The following ZNF431 variants were observed in gnomAD, a reference collection of about 807,000 sequenced individuals.
The protein encoded by ZNF431 is zinc finger protein 431.
In ZNF431, 34 loss-of-function variants were observed where a neutral mutation model predicts 57.0. The observed-to-expected ratio is 0.60, with a 90% confidence interval of 0.45 to 0.79. The LOEUF (loss-of-function observed/expected upper bound fraction) is 0.79, where lower values mean the gene tolerates loss of function less well. Among genes scored for constraint, ZNF431 ranks in the 30% least tolerant of loss-of-function variants. The pLI, the probability that ZNF431 is intolerant of heterozygous loss-of-function variation, is 0.00. For synonymous variants in ZNF431, 207 were observed against 220.3 expected, an observed-to-expected ratio of 0.94 and a Z score of 0.54; for missense variants, 607 against 667.1, an observed-to-expected ratio of 0.91 and a Z score of 0.99.
chr19:21,195,099 A>G lies in ZNF431; in HGVS notation c.*11065A>G, dbSNP rs532315657. ...GCTGCCTGACAAAAAGCGTGTAAACAACAGTGATTGCTCCTGTGGCCCTGT... is the reference window on the plus strand; with the variant it reads ...GCTGCCTGACAAAAAGCGTGTAAACGACAGTGATTGCTCCTGTGGCCCTGT... On this transcript the variant is annotated 3_prime_UTR_variant, in exon 5 of 5. Transcript: ENST00000311048. 1 of 152,022 alleles carries G rather than the reference A, an allele frequency of 6.6e-6. No individual in the cohort carries two copies. Among genetic ancestry groups the G allele is most frequent in the East Asian group, 1.9e-4 (1 of 5,186 alleles). 9.4% of individuals were successfully genotyped at this position (152,022 alleles called of 1,614,324 possible).
chr19:21,146,003 A>G (rs1365864140), intron 2 of ZNF431, among the ~76,000 whole-genome samples: 1 of 152,158 alleles, frequency 6.6e-6, no homozygotes, highest in Non-Finnish European at 1.5e-5. Context: ...GAGCCTGTGA[A>G]AAATTTTATT....
At position 21,190,377 on chromosome 19, in the gene ZNF431, T is replaced by C. The variant is rs1412403640; in HGVS notation, c.*6343T>C. 6.6e-6 allele frequency: 1 copy of C among 152,400 alleles called. No homozygotes were observed. The highest frequency in any genetic ancestry group is 1.9e-4 in the East Asian group (1 of 5,204). The allele number at this position is 152,400 out of a possible 1,614,324, so 9.4% of individuals were successfully genotyped here. A position where few individuals can be genotyped will look rare whatever the true frequency, so the allele number is the denominator to read the frequency against. The stretch of plus-strand genomic sequence containing the variant: ...TATACCCAGTAGTGCGATTGCTGTA[T>C]TACCTGGTAGTTTTTTTGATAAATC... On this transcript the variant is annotated 3_prime_UTR_variant, in exon 5 of 5. Transcript: ENST00000311048.
At position 21,190,139 on chromosome 19, in the gene ZNF431, A is replaced by G. The variant is rs929226803; in HGVS notation, c.*6105A>G. On this transcript the variant is annotated 3_prime_UTR_variant, in exon 5 of 5. Transcript: ENST00000311048. ...AACTGAGATCATGCCACTGCACTCC[A>G]TCCTGGGCAACAGAGTGAGACTCGG... 6 of 363,234 alleles carry G rather than the reference A, an allele frequency of 1.7e-5. No homozygotes were observed. The highest frequency in any genetic ancestry group is 4.6e-5 in the Admixed American group (1 of 21,688). The allele number at this position is 363,234 out of a possible 1,614,324, so 22.5% of individuals were successfully genotyped here.
chr19:21,162,602 A>C, intron 2 of ZNF431: 1 of 479,212 alleles, frequency 2.1e-6, no homozygotes. Context: ...ACCACACCCG[A>C]CCAGATTCAC....
chr19:21,189,560 A>T lies in ZNF431; in HGVS notation c.*5526A>T. On this transcript the variant is annotated 3_prime_UTR_variant, in exon 5 of 5. Transcript: ENST00000311048. ...ACTGTCATCATTTTTCAAAAATCCA[A>T]ATACATTATTATGAACTATAGTCAC... 1 of 216,126 alleles carries T rather than the reference A, an allele frequency of 4.6e-6. No homozygotes were observed. The highest frequency in any genetic ancestry group is 9.0e-6 in the Non-Finnish European group (1 of 110,970). 13.4% of individuals were successfully genotyped at this position (216,126 alleles called of 1,614,324 possible).
intron 2 of ZNF431, among the ~76,000 whole-genome samples, chr19:21,157,214 T>C (rs1182218360): frequency 1.3e-5 from 2 of 152,222 alleles, no homozygotes; most frequent in Non-Finnish European, 2.9e-5. Flanking sequence ...CTCACCTCAC[T>C]GCAACCTCTG....
chr19:21,184,230 T>A lies in ZNF431; in HGVS notation c.*196T>A, dbSNP rs1971302655. The A allele has an allele frequency of 6.4e-6, 3 of 471,860 alleles. No individual in the cohort carries two copies. The highest frequency in any genetic ancestry group is 1.1e-5 in the Non-Finnish European group (3 of 269,672). The allele number at this position is 471,860 out of a possible 1,614,324, so 29.2% of individuals were successfully genotyped here. ...CTGGGTGTGGTGGCACGTGCCTGTA[T>A]TCCCATCTACTCGGGAGGCTTAGGC... is the stretch of plus-strand genomic sequence containing the variant. On this transcript the variant is annotated 3_prime_UTR_variant, in exon 5 of 5. Transcript: ENST00000311048.
rs1160065279 is a variant in ZNF431, at chr19:21,192,740, A to G, written c.*8706A>G. ...AGCAGTTTTTTTGGTTATATATGGCATTTATTGGCTGAAGTGCATTTGTTC... is the reference window on the plus strand; with the variant it reads ...AGCAGTTTTTTTGGTTATATATGGCGTTTATTGGCTGAAGTGCATTTGTTC... On this transcript the variant is annotated 3_prime_UTR_variant, in exon 5 of 5. Coordinates refer to ENST00000311048, the MANE Select transcript of ZNF431 (RefSeq NM_133473.4). 6.6e-6 allele frequency: 1 copy of G among 152,132 alleles called. No individual in the cohort carries two copies. 9.4% of individuals were successfully genotyped at this position (152,132 alleles called of 1,614,324 possible). A position where few individuals can be genotyped will look rare whatever the true frequency, so the allele number is the denominator to read the frequency against.
intron 2 of ZNF431, chr19:21,151,166 G>T (rs140466808): frequency 0.017 from 2,525 of 151,892 alleles, 44 homozygotes; most frequent in Middle Eastern, 0.082. Flanking sequence ...AGTGATTCTC[G>T]TGCCTCAGCC....
intron 2 of ZNF431, chr19:21,149,671 C>G: frequency 1.8e-6 from 1 of 552,604 alleles, no homozygotes; most frequent in Non-Finnish European, 3.4e-6. Flanking sequence ...GTGGCAAGTT[C>G]TTTAGTCTTT....
chr19:21,183,363 A>G lies in ZNF431; in HGVS notation c.1060A>G (p.Asn354Asp), dbSNP rs1226707346. ...ATGTGAGGAATGTGACAAAGCTTTT[A>G]ATCGATTCTCATACCTTACTAAACA... ...YKCEECDKAFNRFSYLTKHKI... is the reference protein window; with the variant it reads ...YKCEECDKAFDRFSYLTKHKI... The change falls in exon 5 of 5, where the codon AAT becomes GAT. Residue 354 changes from asparagine to aspartate, a missense_variant. Coordinates refer to ENST00000311048, the MANE Select transcript of ZNF431 (RefSeq NM_133473.4). 4 of 1,613,828 alleles carry G rather than the reference A, an allele frequency of 2.5e-6. No homozygotes were observed. In the East Asian group the frequency reaches 8.9e-5, roughly 36 times the overall value.
At chr19:21,163,244 C>T (rs769401611) in intron 2 of ZNF431, among the ~76,000 whole-genome samples, 1 of 152,218 alleles carries the variant, frequency 6.6e-6, no homozygotes, top group Non-Finnish European at 1.5e-5. Context: ...GAAATTGCTG[C>T]TTTCTGTTTC....
chr19:21,171,131 C>T (rs753535789), intron 4 of ZNF431, among the ~76,000 whole-genome samples: 19 of 151,416 alleles, frequency 1.3e-4, no homozygotes, highest in Non-Finnish European at 1.6e-4. Context: ...ATATTTAAAA[C>T]GTAAAATTTA....
At chr19:21,149,366 A>T (rs1970199977) in intron 2 of ZNF431, among the ~76,000 whole-genome samples, 1 of 152,166 alleles carries the variant, frequency 6.6e-6, no homozygotes. Context: ...TTATTTTCCC[A>T]ATGATCTTTA....
chr19:21,147,897 A>T (rs1970147728), intron 2 of ZNF431, among the ~76,000 whole-genome samples: 1 of 152,152 alleles, frequency 6.6e-6, no homozygotes, highest in African/African-American at 2.4e-5. Flanking sequence ...TTCACAGTTG[A>T]CAGCCTTTTC....
chr19:21,175,389 T>A, intron 4 of ZNF431: 1 of 694,046 alleles, frequency 1.4e-6, no homozygotes, highest in Admixed American at 2.1e-5. Context: ...GATATAAAGT[T>A]ACTATTACCA....
intron 4 of ZNF431, among the ~76,000 whole-genome samples, chr19:21,174,889 C>T (rs1389285765): frequency 6.6e-6 from 1 of 152,106 alleles, no homozygotes; most frequent in Non-Finnish European, 1.5e-5. Flanking sequence ...ATTCCTTCCT[C>T]AGCCTCCCAA....
At chr19:21,181,227 A>T (rs949806275) in intron 4 of ZNF431, among the ~76,000 whole-genome samples, 88 of 152,130 alleles carry the variant, frequency 5.8e-4, no homozygotes, top group African/African-American at 2.0e-3. Context: ...GAATCATGTT[A>T]TTTTCAGTAG....
chr19:21,165,895 A>G (rs1408835942), intron 2 of ZNF431, among the ~76,000 whole-genome samples: 1 of 152,130 alleles, frequency 6.6e-6, no homozygotes, highest in Non-Finnish European at 1.5e-5. Context: ...AAAAACTCAG[A>G]CTTTATTCCA....
Sources: gnomAD v4.1 joint callset for allele counts (sites outside exome capture counted in the v4.1 genomes callset) on GRCh38, gnomAD v4.1.1 for gene constraint, MANE v1.5 for transcripts, NCBI Gene and HGNC (gene_info 2026-07-23, HGNC 2026-07-21) for gene names.